Variants in PCDHGA3 observed in about 807,000 individuals in gnomAD.
PCDHGA3 encodes the protein protocadherin gamma-A3.
Under a neutral mutation model 58.5 loss-of-function variants are expected in PCDHGA3, and 40 were observed. The ratio of observed to expected loss-of-function variants is 0.68; its 90% CI spans 0.53 to 0.89. PCDHGA3 has a LOEUF of 0.89. PCDHGA3 is among the 40% of genes least tolerant of loss of function. The pLI, the probability that PCDHGA3 is intolerant of heterozygous loss-of-function variation, is 0.00. For missense variants in PCDHGA3, 1,223 were observed against 1,195.9 expected (o/e 1.02, Z -0.33); for synonymous variants, 530 against 525.7 (o/e 1.01, Z -0.11).
At chr5:141,467,643 C>G (rs2099147861) in intron 1 of PCDHGA3, among the ~76,000 whole-genome samples, 1 of 152,112 alleles carries the variant, frequency 6.6e-6, no homozygotes, top group Non-Finnish European at 1.5e-5. Flanking sequence ...TTATCATGTA[C>G]CAAACTTCTA....
intron 1 of PCDHGA3, chr5:141,423,750 TGGG>T: frequency 4.5e-5 from 13 of 287,436 alleles, no homozygotes; most frequent in South Asian, 1.7e-4. Flanking sequence ...GAAAACTGTT[TGGG>T]GGGGGGGTGG....
intron 1 of PCDHGA3, among the ~76,000 whole-genome samples, chr5:141,439,532 C>T (rs1030997598): frequency 6.6e-6 from 1 of 152,202 alleles, no homozygotes; most frequent in Admixed American, 6.5e-5. Context: ...CTACAGAACG[C>T]TGTCCTCTCA....
At chr5:141,395,972 A>G (rs974737736) in intron 1 of PCDHGA3, 1 of 152,218 alleles carries the variant, frequency 6.6e-6, no homozygotes, top group African/African-American at 2.4e-5. Flanking sequence ...CAAAAACATT[A>G]GATCTGAATT....
chr5:141,367,098 G>A, intron 1 of PCDHGA3: 1 of 248,510 alleles, frequency 4.0e-6, no homozygotes. Flanking sequence ...TCTTTTGAGT[G>A]TCTGCCTAGA....
At chr5:141,423,265 G>C in intron 1 of PCDHGA3, 1 of 1,613,666 alleles carries the variant, frequency 6.2e-7, no homozygotes, top group Non-Finnish European at 8.5e-7. Flanking sequence ...CGGCAGCCTC[G>C]AGTCTCTGGC....
In PCDHGA3 at chr5:141,500,938, G is replaced by A. The variant is rs1317178701; in HGVS notation, c.2484-4455G>A. On this transcript the variant is annotated intron_variant, in intron 2 of 3. Transcript: ENST00000253812. Reference sequence around the variant, plus strand: ...GGCTGGGGTGCAGTGGCGCCATCTCGGCTCACTGCAAGCTCCACCTCCTGG... The same window carrying A: ...GGCTGGGGTGCAGTGGCGCCATCTCAGCTCACTGCAAGCTCCACCTCCTGG... 2.6e-5 allele frequency among the ~76,000 whole-genome samples: 4 copies of A among 151,060 alleles called. No homozygotes were observed. The East Asian group carries it at 5.8e-4, about 22-fold the overall frequency.
Position 141,485,715 on chromosome 5 carries a change from A to G in PCDHGA3, c.2425-9092A>G. The G allele has an allele frequency of 6.2e-7, 1 of 1,614,114 alleles. No homozygotes were observed. Among genetic ancestry groups the G allele is most frequent in the Non-Finnish European group, 8.5e-7 (1 of 1,180,012 alleles). On this transcript the variant is annotated intron_variant, in intron 1 of 3. Transcript: ENST00000253812. The surrounding 1 kb of genome is among the most constrained non-coding windows in gnomAD (Gnocchi z 5.7). ...AGCTCCAATGAACACTTTGCACTGGATGTGAAGAAGCGCAGCGACGGCAGC... is the reference window on the plus strand; with the variant it reads ...AGCTCCAATGAACACTTTGCACTGGGTGTGAAGAAGCGCAGCGACGGCAGC...
chr5:141,476,483 G>T lies in PCDHGA3; in HGVS notation c.2425-18324G>T. On this transcript the variant is annotated intron_variant, in intron 1 of 3. Coordinates refer to ENST00000253812, the MANE Select transcript of PCDHGA3 (RefSeq NM_018916.4). The surrounding 1 kb of genome is among the most constrained non-coding windows in gnomAD (Gnocchi z 7.6). ...CCCGCTGGAGCTGTTCAGCGTGGAA[G>T]TGGTGATCCAGGACATCAACGACAA... 6.2e-7 allele frequency: 1 copy of T among 1,614,166 alleles called. No homozygotes were observed. The highest frequency in any genetic ancestry group is 8.5e-7 in the Non-Finnish European group (1 of 1,180,034).
chr5:141,444,329 G>T (rs536314842), intron 1 of PCDHGA3, among the ~76,000 whole-genome samples: 1 of 151,792 alleles, frequency 6.6e-6, no homozygotes, highest in Admixed American at 6.6e-5. Context: ...GTGCCACCAC[G>T]CCCAGCTAAT....
chr5:141,476,029 A>G lies in PCDHGA3; in HGVS notation c.2425-18778A>G, dbSNP rs975943706. The G allele has an allele frequency of 2.3e-5, 34 of 1,455,312 alleles. No homozygotes were observed. The highest frequency in any genetic ancestry group is 1.1e-4 in the African/African-American group (8 of 70,728). 90.1% of individuals were successfully genotyped at this position (1,455,312 alleles called of 1,614,324 possible). A position where few individuals can be genotyped will look rare whatever the true frequency, so the allele number is the denominator to read the frequency against. On this transcript the variant is annotated intron_variant, in intron 1 of 3. Transcript: ENST00000253812. The surrounding 1 kb of genome is among the most constrained non-coding windows in gnomAD (Gnocchi z 7.6). The stretch of plus-strand genomic sequence containing the variant: ...GAAAGCCATGTCGGACTCGGCGCCC[A>G]GCGCCCAAGCGCTAACCCGCTGAAA...
chr5:141,364,815 T>C, intron 1 of PCDHGA3: 1 of 1,613,998 alleles, frequency 6.2e-7, no homozygotes, highest in South Asian at 1.1e-5. Context: ...GATGCGGATG[T>C]GGGTGTGAAC....
chr5:141,348,068 A>ACAACTT (rs1400560266), intron 1 of PCDHGA3, among the ~76,000 whole-genome samples: 5 of 152,340 alleles, frequency 3.3e-5, no homozygotes, highest in African/African-American at 9.6e-5. Context: ...GTCATGTTCT[A>ACAACTT]CAACTTTCTT....
chr5:141,421,102 T>G, intron 1 of PCDHGA3: 1 of 691,404 alleles, frequency 1.4e-6, no homozygotes, highest in Non-Finnish European at 2.4e-6. Flanking sequence ...CACTGGAGAC[T>G]TAGAAGTATT....
Position 141,491,410 on chromosome 5 carries a change from GA to G in PCDHGA3, c.2425-3396del. 1 of 1,614,142 alleles carries G rather than the reference GA, an allele frequency of 6.2e-7. No homozygotes were observed. The highest frequency in any genetic ancestry group is 8.5e-7 in the Non-Finnish European group (1 of 1,180,034). On this transcript the variant is annotated intron_variant, in intron 1 of 3. Coordinates refer to ENST00000253812, the MANE Select transcript of PCDHGA3 (RefSeq NM_018916.4). This position sits in a 1 kb window ranked among gnomAD's most constrained non-coding sequence, Gnocchi z 6.9. ...GTGCCTTCAGGGAAACGCAGACGGG[GA>G]CGGGGGTGGAGGGCAGTGCTGCAGG...
At chr5:141,434,489 C>T (rs921000136) in intron 1 of PCDHGA3, among the ~76,000 whole-genome samples, 4 of 152,158 alleles carry the variant, frequency 2.6e-5, no homozygotes, top group Non-Finnish European at 4.4e-5. Flanking sequence ...ACACCTGGCC[C>T]GCCCAGGGCA....
rs1340147578 is a variant in PCDHGA3, at chr5:141,487,141, T to C, written c.2425-7666T>C. On this transcript the variant is annotated intron_variant, in intron 1 of 3. Transcript: ENST00000253812. This position sits in a 1 kb window ranked among gnomAD's most constrained non-coding sequence, Gnocchi z 5.0. ...AGGATAGTGGTAGTCCACCACTCTCTACCTCTGTTACTCTCTTAGTGTCCT... is the reference window on the plus strand; with the variant it reads ...AGGATAGTGGTAGTCCACCACTCTCCACCTCTGTTACTCTCTTAGTGTCCT... The C allele has an allele frequency of 1.2e-6, 2 of 1,613,882 alleles. No individual in the cohort carries two copies. Among genetic ancestry groups the C allele is most frequent in the African/African-American group, 2.7e-5 (2 of 74,934 alleles).
Position 141,476,176 on chromosome 5 carries a change from G to C in PCDHGA3, c.2425-18631G>C, listed in dbSNP as rs778169270. 1 of 1,613,530 alleles carries C rather than the reference G, an allele frequency of 6.2e-7. No homozygotes were observed. The highest frequency in any genetic ancestry group is 8.5e-7 in the Non-Finnish European group (1 of 1,180,006). On this transcript the variant is annotated intron_variant, in intron 1 of 3. Transcript: ENST00000253812. The surrounding 1 kb of genome is among the most constrained non-coding windows in gnomAD (Gnocchi z 7.6). ...GCACCGGGAGGGTAGTGGGAGTTTT[G>C]CTTCTGCTTGGTGCCTTGAACAAGG...
intron 1 of PCDHGA3, among the ~76,000 whole-genome samples, chr5:141,381,616 A>G (rs187813287): frequency 6.6e-6 from 1 of 152,230 alleles, no homozygotes; most frequent in Non-Finnish European, 1.5e-5. Context: ...ACAGCCCAGT[A>G]GGATCTCTGC....
intron 1 of PCDHGA3, chr5:141,351,320 G>A (rs1172798095): frequency 6.2e-7 from 1 of 1,613,836 alleles, no homozygotes. Context: ...CCAGATTCCA[G>A]AGGATTCAGA....
Sources: gnomAD v4.1 joint callset for allele counts (sites outside exome capture counted in the v4.1 genomes callset) on GRCh38, gnomAD v4.1.1 for gene constraint, Gnocchi (gnomAD v3.1) non-coding constraint, MANE v1.5 for transcripts, NCBI Gene and HGNC (gene_info 2026-07-23, HGNC 2026-07-21) for gene names.